Variants in TIAM1 observed in about 807,000 individuals in gnomAD.
TIAM1 encodes the protein rho guanine nucleotide exchange factor TIAM1.
TIAM1 carries 65 observed loss-of-function variants against 163.5 expected under a neutral mutation model. The observed-to-expected ratio is 0.40, with a 90% CI of 0.33 to 0.49. The LOEUF (loss-of-function observed/expected upper bound fraction) is 0.49, where lower values mean the gene tolerates loss of function less well. Ranked by LOEUF, TIAM1 falls within the 20% of genes least tolerant of loss-of-function variation. The pLI, the probability that TIAM1 is intolerant of heterozygous loss-of-function variation, is 0.77. For missense variants in TIAM1, 1,789 were observed against 2,044.7 expected (o/e 0.87, Z 2.41); for synonymous variants, 833 against 810.1 (o/e 1.03, Z -0.48).
chr21:31,355,553 T>G (rs2076302669), intron 2 of TIAM1, among the ~76,000 whole-genome samples: 1 of 151,186 alleles, frequency 6.6e-6, no homozygotes, highest in East Asian at 1.9e-4. Flanking sequence ...ATTTATTTAT[T>G]TATTTATTTA....
chr21:31,373,870 G>A (rs1411363150), intron 2 of TIAM1, among the ~76,000 whole-genome samples: 3 of 151,880 alleles, frequency 2.0e-5, no homozygotes, highest in Admixed American at 6.6e-5. Flanking sequence ...TTACCTGGTC[G>A]TTCCCTCTTC....
At chr21:31,479,314 A>G (rs2046031602) in intron 1 of TIAM1, among the ~76,000 whole-genome samples, 1 of 152,166 alleles carries the variant, frequency 6.6e-6, no homozygotes, top group Non-Finnish European at 1.5e-5. Flanking sequence ...AAAATCTGCA[A>G]CATGATTTAT....
intron 2 of TIAM1, among the ~76,000 whole-genome samples, chr21:31,369,917 A>T (rs769791057): frequency 3.9e-5 from 6 of 152,038 alleles, no homozygotes; most frequent in Non-Finnish European, 4.4e-5. Context: ...CCCGGGAGGC[A>T]GAGGTTGCAA....
intron 2 of TIAM1, among the ~76,000 whole-genome samples, chr21:31,298,984 G>T (rs951327125): frequency 1.3e-5 from 2 of 152,100 alleles, no homozygotes; most frequent in African/African-American, 4.8e-5. Flanking sequence ...GAGGCGTAGG[G>T]CGAACAGGAA....
At position 31,120,836 on chromosome 21, in the gene TIAM1, C is replaced by A; in HGVS notation, c.4308G>T (p.Val1436=). 1 of 1,594,354 alleles carries A rather than the reference C, an allele frequency of 6.3e-7. No homozygotes were observed. Among genetic ancestry groups the A allele is most frequent in the Non-Finnish European group, 8.5e-7 (1 of 1,170,918 alleles). The change falls in exon 28 of 28, where the codon GTG becomes GTT. Residue 1436 remains valine, a splice_region_variant and synonymous_variant. Transcript: ENST00000541036. The surrounding 1 kb of genome is among the most constrained non-coding windows in gnomAD (Gnocchi z 4.2). ...KGARPAMSRA[V]SAPSKSLGRR... ...TCCCAAGAGACTTGCTTGGGGCAGACACTGCACACACACACAAAAATATAA... is the reference window on the plus strand; with the variant it reads ...TCCCAAGAGACTTGCTTGGGGCAGAAACTGCACACACACACAAAAATATAA...
intron 2 of TIAM1, among the ~76,000 whole-genome samples, chr21:31,337,518 G>GTTGTTATTATTATTA (rs139117633): frequency 5.6e-4 from 83 of 147,268 alleles, no homozygotes; most frequent in South Asian, 1.3e-3. Flanking sequence ...TATTATTGTT[G>GTTGTTATTATTATTA]TTATTATTAT....
In TIAM1 at chr21:31,426,434, C is replaced by T. The variant is rs572621011; in HGVS notation, c.-369+37549G>A. On this transcript the variant is annotated intron_variant, in intron 2 of 28. Transcript: ENST00000286827. ...AGAAAACATACATATTTCACTTCCA[C>T]GGTTTGTGAAAATGAAATCTTCATT... 2.6e-5 allele frequency among the ~76,000 whole-genome samples: 4 copies of T among 152,180 alleles called. 1 individual carries two copies. Among genetic ancestry groups the T allele is most frequent in the South Asian group, 4.1e-4 (2 of 4,822 alleles).
intron 1 of TIAM1, among the ~76,000 whole-genome samples, chr21:31,541,355 A>C (rs1443815800): frequency 1.3e-5 from 2 of 151,970 alleles, no homozygotes; most frequent in African/African-American, 4.8e-5. Context: ...TACCCGGAAG[A>C]CTGAGGTGGG....
intron 2 of TIAM1, among the ~76,000 whole-genome samples, chr21:31,334,435 A>G (rs774040627): frequency 6.6e-6 from 1 of 152,076 alleles, no homozygotes. Context: ...TTTATGCAGG[A>G]AACACTGCAC....
chr21:31,183,160 C>G (rs2085118861), intron 14 of TIAM1, among the ~76,000 whole-genome samples: 1 of 152,194 alleles, frequency 6.6e-6, no homozygotes, highest in African/African-American at 2.4e-5. Flanking sequence ...TCCAAATACA[C>G]TTAGAGATGA....
chr21:31,350,989 C>T (rs965728131), intron 2 of TIAM1, among the ~76,000 whole-genome samples: 14 of 152,180 alleles, frequency 9.2e-5, no homozygotes, highest in Non-Finnish European at 1.5e-4. Context: ...GCTAGGGAAA[C>T]GTGTTGATGA....
chr21:31,354,728 G>C lies in TIAM1; in HGVS notation c.-368-15306C>G, dbSNP rs375665897. On this transcript the variant is annotated intron_variant, in intron 2 of 28. Transcript: ENST00000286827. ...CAAGAGTTACTACCGGTGTGGAGGA[G>C]GCTCAGCCAGCAAGTTGACAAACAC... Among the ~76,000 whole-genome samples the C allele has an allele frequency of 9.9e-5, 15 of 152,246 alleles. 1 individual carries two copies. The East Asian group carries it at 1.5e-3, about 16-fold the overall frequency.
In TIAM1 at chr21:31,447,559, T is replaced by C. The variant is rs540147325; in HGVS notation, c.-369+16424A>G. ...AAATTAGAATAAAGGAGGAAAAATA[T>C]GAGAGTGATCTGAATGTGTTAAAAA... On this transcript the variant is annotated intron_variant, in intron 2 of 28. Transcript: ENST00000286827. 1.5e-4 allele frequency among the ~76,000 whole-genome samples: 23 copies of C among 152,176 alleles called. No homozygotes were observed. The South Asian group carries it at 3.3e-3, about 22-fold the overall frequency.
intron 11 of TIAM1, among the ~76,000 whole-genome samples, chr21:31,206,629 T>C (rs1455750661): frequency 1.3e-5 from 2 of 152,224 alleles, no homozygotes; most frequent in African/African-American, 4.8e-5. Flanking sequence ...CCGCAAATTA[T>C]ACCCTAAGTA....
At chr21:31,242,340 C>A (rs2071224989) in intron 6 of TIAM1, among the ~76,000 whole-genome samples, 1 of 151,940 alleles carries the variant, frequency 6.6e-6, no homozygotes. Flanking sequence ...GGCAATAAAG[C>A]AAGACCTCCA....
chr21:31,291,858 T>C (rs1018702585), intron 2 of TIAM1, among the ~76,000 whole-genome samples: 1 of 152,160 alleles, frequency 6.6e-6, no homozygotes, highest in African/African-American at 2.4e-5. Flanking sequence ...GATATTCCTC[T>C]TGCCCCAACT....
At chr21:31,178,264 G>A (rs2084855430) in intron 15 of TIAM1, among the ~76,000 whole-genome samples, 1 of 149,652 alleles carries the variant, frequency 6.7e-6, no homozygotes, top group Non-Finnish European at 1.5e-5. Context: ...CCACCAGCAG[G>A]TCCAATTGGG....
intron 1 of TIAM1, among the ~76,000 whole-genome samples, chr21:31,482,803 C>T (rs1183343068): frequency 6.6e-6 from 1 of 152,190 alleles, no homozygotes; most frequent in Non-Finnish European, 1.5e-5. Context: ...ACACTGAAAA[C>T]AGCATGGGAG....
chr21:31,539,023 C>T (rs1003789349), intron 1 of TIAM1, among the ~76,000 whole-genome samples: 2 of 152,156 alleles, frequency 1.3e-5, no homozygotes, highest in Non-Finnish European at 2.9e-5. Flanking sequence ...AGCTGGACAG[C>T]TGGTGCGAAA....
Sources: allele counts gnomAD v4.1 joint callset (sites outside exome capture counted in the v4.1 genomes callset), GRCh38; gene constraint gnomAD v4.1.1; non-coding constraint Gnocchi (gnomAD v3.1); transcripts MANE v1.5; gene names NCBI Gene and HGNC (gene_info 2026-07-23, HGNC 2026-07-21).